The following LRRC4C variants were observed in gnomAD, a reference collection of about 807,000 sequenced individuals.
The protein encoded by LRRC4C is leucine-rich repeat-containing protein 4C.
In LRRC4C, 5 loss-of-function variants were observed where a neutral mutation model predicts 33.6. The observed-to-expected ratio is 0.15, with a 90% CI of 0.08 to 0.31. The LOEUF (loss-of-function observed/expected upper bound fraction) is 0.31, where lower values mean the gene tolerates loss of function less well. Ranked by LOEUF, LRRC4C falls within the 10% of genes least tolerant of loss-of-function variation. The pLI, the probability that LRRC4C is intolerant of heterozygous loss-of-function variation, is 1.00. For synonymous variants in LRRC4C, 329 were observed against 302.0 expected (o/e 1.09, Z -0.93); for missense variants, 560 against 796.7 (o/e 0.70, Z 3.58).
At chr11:40,927,789 C>T (rs139809055) in intron 2 of LRRC4C, among the ~76,000 whole-genome samples, 1 of 151,662 alleles carries the variant, frequency 6.6e-6, no homozygotes, top group Non-Finnish European at 1.5e-5. Flanking sequence ...GTAGGAAGTA[C>T]TTAAGGGCAT....
chr11:40,644,700 T>C (rs1163536451), intron 3 of LRRC4C, among the ~76,000 whole-genome samples: 1 of 152,202 alleles, frequency 6.6e-6, no homozygotes, highest in African/African-American at 2.4e-5. Context: ...ATAACATTCT[T>C]GTAATGACAA....
intron 1 of LRRC4C, among the ~76,000 whole-genome samples, chr11:41,235,394 T>A (rs1331495109): frequency 6.6e-6 from 1 of 152,114 alleles, no homozygotes. Context: ...GATAACCCAC[T>A]TCACCTGCAT....
intron 1 of LRRC4C, among the ~76,000 whole-genome samples, chr11:41,037,440 A>C (rs539005670): frequency 6.6e-6 from 1 of 152,064 alleles, no homozygotes; most frequent in Admixed American, 6.6e-5. Context: ...CTTGGGCTCA[A>C]GTGATCCTCC....
chr11:40,317,185 G>GTT (rs200264699), intron 4 of LRRC4C, among the ~76,000 whole-genome samples: 58 of 143,852 alleles, frequency 4.0e-4, no homozygotes, highest in South Asian at 1.7e-3. Context: ...AGGGTATTTT[G>GTT]TTTTTTTTTT....
chr11:41,172,305 T>G (rs1319988128), intron 1 of LRRC4C, among the ~76,000 whole-genome samples: 11 of 151,736 alleles, frequency 7.2e-5, no homozygotes, highest in Admixed American at 7.2e-4. Context: ...TATATAGCCC[T>G]TAGAAGCCCA....
At chr11:40,883,593 C>T (rs1955291358) in intron 2 of LRRC4C, among the ~76,000 whole-genome samples, 1 of 151,994 alleles carries the variant, frequency 6.6e-6, no homozygotes, top group Admixed American at 6.6e-5. Flanking sequence ...ACAACTTATT[C>T]TGAGTTATGA....
intron 1 of LRRC4C, among the ~76,000 whole-genome samples, chr11:41,410,138 G>T (rs372884202): frequency 1.3e-5 from 2 of 152,146 alleles, no homozygotes; most frequent in African/African-American, 4.8e-5. Context: ...TTCTGCACCG[G>T]CTTGGACCCA....
chr11:41,365,805 T>C (rs1193784107), intron 1 of LRRC4C, among the ~76,000 whole-genome samples: 1 of 152,210 alleles, frequency 6.6e-6, no homozygotes, highest in Non-Finnish European at 1.5e-5. Context: ...GGTGGGATAC[T>C]TGGTAAATGA....
rs971260010 is a variant in LRRC4C, at chr11:40,937,540, A to C, written c.-495-3817T>G. On this transcript the variant is annotated intron_variant, in intron 1 of 6. Transcript: ENST00000528697. ...TCTTAAGACATCATCACTTTGTTGC[A>C]TAACTCTTCAGTTGTAAAGTACTCA... 5.3e-5 allele frequency among the ~76,000 whole-genome samples: 8 copies of C among 152,032 alleles called. No homozygotes were observed. In the East Asian group the frequency reaches 1.5e-3, roughly 29 times the overall value.
At chr11:41,339,364 C>A (rs920595329) in intron 1 of LRRC4C, among the ~76,000 whole-genome samples, 2 of 152,144 alleles carry the variant, frequency 1.3e-5, no homozygotes, top group African/African-American at 4.8e-5. Flanking sequence ...TTTGGATAGG[C>A]ACTGTATATA....
At chr11:41,193,671 C>T (rs1199866576) in intron 1 of LRRC4C, among the ~76,000 whole-genome samples, 1 of 151,992 alleles carries the variant, frequency 6.6e-6, no homozygotes, top group Non-Finnish European at 1.5e-5. Context: ...GAGGAATTAA[C>T]CAAAGACATC....
intron 5 of LRRC4C, among the ~76,000 whole-genome samples, chr11:40,155,613 G>C (rs1858620328): frequency 6.6e-6 from 1 of 151,996 alleles, no homozygotes. Flanking sequence ...AGAAGAGATG[G>C]ATAAATTCCT....
intron 3 of LRRC4C, among the ~76,000 whole-genome samples, chr11:40,320,156 A>G (rs1181885777): frequency 6.6e-6 from 1 of 152,150 alleles, no homozygotes; most frequent in African/African-American, 2.4e-5. Context: ...TGAGCTAAAA[A>G]CAATACAGAT....
At chr11:40,385,907 A>AAAATT (rs1455926780) in intron 3 of LRRC4C, among the ~76,000 whole-genome samples, 2 of 130,536 alleles carry the variant, frequency 1.5e-5, no homozygotes, top group East Asian at 2.4e-4. Flanking sequence ...AAAATAAAAT[A>AAAATT]AAAAAATAAA....
At chr11:40,751,705 C>T (rs1416348210) in intron 2 of LRRC4C, among the ~76,000 whole-genome samples, 1 of 151,998 alleles carries the variant, frequency 6.6e-6, no homozygotes, top group Non-Finnish European at 1.5e-5. Context: ...CACTCCAATC[C>T]TTATCAAAAT....
At chr11:40,135,622 T>C (rs1287815199) in intron 6 of LRRC4C, among the ~76,000 whole-genome samples, 1 of 152,218 alleles carries the variant, frequency 6.6e-6, no homozygotes, top group Non-Finnish European at 1.5e-5. Flanking sequence ...TTATTAACTA[T>C]GTTTCCTTGA....
chr11:41,222,691 G>A (rs369688161), intron 1 of LRRC4C: 1 of 151,978 alleles, frequency 6.6e-6, no homozygotes, highest in Non-Finnish European at 1.5e-5. Context: ...TCATGCTTCT[G>A]TAACCAGGCA....
intron 5 of LRRC4C, among the ~76,000 whole-genome samples, chr11:40,210,276 C>A (rs939459080): frequency 1.4e-4 from 21 of 150,668 alleles, no homozygotes; most frequent in African/African-American, 3.0e-4. Context: ...AAAACAAAAA[C>A]CAAAAAACAC....
chr11:41,064,543 T>G (rs2135385395), intron 1 of LRRC4C, among the ~76,000 whole-genome samples: 1 of 152,330 alleles, frequency 6.6e-6, no homozygotes, highest in East Asian at 1.9e-4. Context: ...GGTGCCTAAT[T>G]ATTCTTCATG....
Sources: gnomAD v4.1 joint callset for allele counts (sites outside exome capture counted in the v4.1 genomes callset) on GRCh38, gnomAD v4.1.1 for gene constraint, MANE v1.5 for transcripts, NCBI Gene and HGNC (gene_info 2026-07-23, HGNC 2026-07-21) for gene names.